The following AKAP10 variants were observed in gnomAD, a reference collection of about 807,000 sequenced individuals.
AKAP10 encodes A-kinase anchor protein 10, mitochondrial.
A neutral mutation model predicts 80.8 loss-of-function variants in AKAP10; 24 were observed. That is an observed-to-expected ratio of 0.30 (90% CI 0.22 to 0.42). AKAP10 has a LOEUF of 0.42. AKAP10 is among the 10% of genes least tolerant of loss of function. The probability of loss-of-function intolerance (pLI) is 1.00; values close to 1 mark genes in which losing one functional copy is unlikely to be tolerated. For synonymous variants in AKAP10, 291 were observed against 277.7 expected (o/e 1.05, Z -0.48); for missense variants, 661 against 794.9 (o/e 0.83, Z 2.03).
chr17:19,964,915 CAA>C (rs1317021745), intron 2 of AKAP10, among the ~76,000 whole-genome samples: 1 of 151,980 alleles, frequency 6.6e-6, no homozygotes, highest in African/African-American at 2.4e-5. Flanking sequence ...ACAACAACAA[CAA>C]AAAAGTAATT....
chr17:19,923,751 C>T (rs1163617887), intron 11 of AKAP10, among the ~76,000 whole-genome samples: 1 of 152,152 alleles, frequency 6.6e-6, no homozygotes, highest in Non-Finnish European at 1.5e-5. Context: ...TGGTCTCAAT[C>T]TCCTGACCTC....
chr17:19,974,431 G>A (rs1043166054), intron 1 of AKAP10, among the ~76,000 whole-genome samples: 5 of 152,060 alleles, frequency 3.3e-5, no homozygotes, highest in Admixed American at 6.6e-5. Context: ...TATTGTTAGC[G>A]TTAGTGTACT....
chr17:19,944,000 T>TC (rs2043077503), intron 5 of AKAP10, among the ~76,000 whole-genome samples: 1 of 152,206 alleles, frequency 6.6e-6, no homozygotes, highest in African/African-American at 2.4e-5. Flanking sequence ...TTTTTTTTTT[T>TC]CTACAGTACA....
intron 2 of AKAP10, among the ~76,000 whole-genome samples, chr17:19,966,005 C>G (rs1432615828): frequency 6.6e-6 from 1 of 152,076 alleles, no homozygotes; most frequent in Non-Finnish European, 1.5e-5. Context: ...TTTCAACAGG[C>G]AGGATTTCAA....
intron 10 of AKAP10, among the ~76,000 whole-genome samples, chr17:19,930,164 A>T (rs958650006): frequency 6.6e-6 from 1 of 152,154 alleles, no homozygotes; most frequent in Non-Finnish European, 1.5e-5. Flanking sequence ...AAATTAGGAA[A>T]ATTTATCCAA....
At chr17:19,971,874 G>A (rs1597535558) in intron 1 of AKAP10, among the ~76,000 whole-genome samples, 1 of 152,144 alleles carries the variant, frequency 6.6e-6, no homozygotes, top group African/African-American at 2.4e-5. Flanking sequence ...CCAGCACTTT[G>A]GGAAGCAGCT....
Position 19,904,603 on chromosome 17 carries a change from T to C in AKAP10, c.*1624A>G, listed in dbSNP as rs2042613995. ...AATTAATCACAGCATAGATGACTAA[T>C]AAAAACCTTGGGTTTATGCCATACA... On this transcript the variant is annotated 3_prime_UTR_variant, in exon 15 of 15. Coordinates refer to ENST00000225737, the MANE Select transcript of AKAP10 (RefSeq NM_007202.4). The C allele has an allele frequency of 6.6e-6, 1 of 152,138 alleles. No individual in the cohort carries two copies. Among genetic ancestry groups the C allele is most frequent in the African/African-American group, 2.4e-5 (1 of 41,410 alleles). The allele number at this position is 152,138 out of a possible 1,614,324, so 9.4% of individuals were successfully genotyped here.
rs117125174 is a variant in AKAP10, at chr17:19,941,546, A to G, written c.1061+280T>C. Among the ~76,000 whole-genome samples the G allele has an allele frequency of 9.3e-3, 1,419 of 152,330 alleles. 9 individuals are homozygous for G. Among genetic ancestry groups the G allele is most frequent in the South Asian group, 0.018 (88 of 4,830 alleles). On this transcript the variant is annotated intron_variant, in intron 6 of 14. Transcript: ENST00000225737. ...ACCAATTCTAATAGTCATAATCACT[A>G]CAGACTCAATCACTCCCCAAATTAT...
rs780963014 is a variant in AKAP10, at chr17:19,931,951, T to A, written c.1495A>T (p.Asn499Tyr). Residue 499 changes from asparagine (N) to tyrosine (Y), a missense_variant, in exon 10 of 15, where the codon AAT becomes TAT. Physicochemically the swap from Asn to Tyr is moderately radical, Grantham distance 143. Coordinates refer to ENST00000225737, the MANE Select transcript of AKAP10 (RefSeq NM_007202.4). ...KVFLPGFLSS[N>Y]LYYKYLNDLI... Reference sequence around the variant, plus strand: ...TCATTCAAATATTTATAATAAAGATTGCTGGACAAAAAGCCAGGCAAAAAG... The same window carrying A: ...TCATTCAAATATTTATAATAAAGATAGCTGGACAAAAAGCCAGGCAAAAAG... 15 of 1,613,282 alleles carry A rather than the reference T, an allele frequency of 9.3e-6. No homozygotes were observed. The highest frequency in any genetic ancestry group is 1.3e-5 in the Non-Finnish European group (15 of 1,179,786).
chr17:19,968,508 C>T (rs1481342408), intron 1 of AKAP10, 47 bp from the exon 2 acceptor site: 1 of 1,477,248 alleles, frequency 6.8e-7, no homozygotes, highest in South Asian at 1.1e-5. Context: ...AGTCAGAGAT[C>T]CATTCTATAA....
chr17:19,966,092 T>G (rs559463569), intron 2 of AKAP10, among the ~76,000 whole-genome samples: 1 of 152,042 alleles, frequency 6.6e-6, no homozygotes, highest in Non-Finnish European at 1.5e-5. Flanking sequence ...ACTATGCATA[T>G]AAAATAACAT....
intron 4 of AKAP10, among the ~76,000 whole-genome samples, chr17:19,952,331 G>A (rs1343412368): frequency 2.0e-5 from 3 of 151,946 alleles, no homozygotes; most frequent in Non-Finnish European, 2.9e-5. Context: ...CAGGCATGGT[G>A]CGCGTGCCTG....
At chr17:19,912,597 A>T (rs2042702797) in intron 12 of AKAP10, among the ~76,000 whole-genome samples, 1 of 152,100 alleles carries the variant, frequency 6.6e-6, no homozygotes, top group South Asian at 2.1e-4. Flanking sequence ...ACGTGCCTGT[A>T]ATCTCAGCTA....
intron 12 of AKAP10, among the ~76,000 whole-genome samples, chr17:19,919,468 G>C (rs545187981): frequency 1.9e-4 from 29 of 152,264 alleles, no homozygotes; most frequent in African/African-American, 7.0e-4. Flanking sequence ...TGGATTGCTT[G>C]AGGTCAGGAG....
chr17:19,915,244 C>T (rs1331876762), intron 12 of AKAP10, among the ~76,000 whole-genome samples: 1 of 152,118 alleles, frequency 6.6e-6, no homozygotes, highest in East Asian at 1.9e-4. Flanking sequence ...CACGAATCAT[C>T]AAGACTATAG....
chr17:19,905,998 A>G lies in AKAP10; in HGVS notation c.*229T>C. 1.9e-6 allele frequency: 1 copy of G among 538,598 alleles called. No individual in the cohort carries two copies. The highest frequency in any genetic ancestry group is 2.9e-5 in the East Asian group (1 of 34,618). The allele number at this position is 538,598 out of a possible 1,614,324, so 33.4% of individuals were successfully genotyped here. ...ATTTTCTAGTAATGTAAACAATACC[A>G]TTTTGTATCTTTAAGACTCTCACTG... is the stretch of plus-strand genomic sequence containing the variant. On this transcript the variant is annotated 3_prime_UTR_variant, in exon 15 of 15. Coordinates refer to ENST00000225737, the MANE Select transcript of AKAP10 (RefSeq NM_007202.4).
intron 3 of AKAP10, among the ~76,000 whole-genome samples, chr17:19,960,131 T>C (rs1396824123): frequency 1.3e-5 from 2 of 152,308 alleles, no homozygotes; most frequent in Non-Finnish European, 1.5e-5. Flanking sequence ...GTTTCTCCCA[T>C]GGTAACATCT....
intron 4 of AKAP10, among the ~76,000 whole-genome samples, chr17:19,957,021 G>A (rs1480769299): frequency 6.6e-6 from 1 of 152,014 alleles, no homozygotes; most frequent in Non-Finnish European, 1.5e-5. Flanking sequence ...TAAAAGATCT[G>A]AAGAAATCAC....
intron 8 of AKAP10, among the ~76,000 whole-genome samples, chr17:19,938,460 C>T (rs185097370): frequency 2.6e-5 from 4 of 151,742 alleles, no homozygotes; most frequent in African/African-American, 7.3e-5. Flanking sequence ...TGGTCTTGAA[C>T]GCCTGACCTC....
Sources: allele counts gnomAD v4.1 joint callset (sites outside exome capture counted in the v4.1 genomes callset), GRCh38; gene constraint gnomAD v4.1.1; transcripts MANE v1.5; gene names NCBI Gene and HGNC (gene_info 2026-07-23, HGNC 2026-07-21).